The following TACR1 variants were observed in gnomAD, a reference collection of about 807,000 sequenced individuals.
TACR1 encodes substance-P receptor.
Under a neutral mutation model 35.8 loss-of-function variants are expected in TACR1, and 25 were observed. That is an observed-to-expected ratio of 0.70 (90% CI 0.51 to 0.98). The LOEUF (loss-of-function observed/expected upper bound fraction) is 0.98. TACR1 is among the 50% of genes least tolerant of loss of function. The probability of loss-of-function intolerance (pLI) is 0.00; values close to 1 mark genes in which losing one functional copy is unlikely to be tolerated. For synonymous variants in TACR1, 195 were observed against 206.7 expected, an observed-to-expected ratio of 0.94 and a Z score of 0.48; for missense variants, 478 against 522.9, an observed-to-expected ratio of 0.91 and a Z score of 0.84.
intron 2 of TACR1, among the ~76,000 whole-genome samples, chr2:75,098,731 A>G (rs1402116483): frequency 6.6e-6 from 1 of 152,074 alleles, no homozygotes; most frequent in Non-Finnish European, 1.5e-5. Flanking sequence ...CCCATTAGCT[A>G]ACCCAGTCTC....
chr2:75,199,045 G>A lies in TACR1; in HGVS notation c.-111C>T. The stretch of plus-strand genomic sequence containing the variant: ...TCCTTCTAAAGCCAGACAGGAGGGT[G>A]GAAGGCTTTTTCTGGGCAGCACTCT... On this transcript the variant is annotated 5_prime_UTR_variant, in exon 1 of 5. Coordinates refer to ENST00000305249, the MANE Select transcript of TACR1 (RefSeq NM_001058.4). 6 of 1,372,484 alleles carry A rather than the reference G, an allele frequency of 4.4e-6. No individual in the cohort carries two copies. Among genetic ancestry groups the A allele is most frequent in the Non-Finnish European group, 5.9e-6 (6 of 1,019,172 alleles). The allele number at this position is 1,372,484 out of a possible 1,614,324, so 85.0% of individuals were successfully genotyped here. A position where few individuals can be genotyped will look rare whatever the true frequency, so the allele number is the denominator to read the frequency against.
At chr2:75,092,134 G>T (rs964915722) in intron 2 of TACR1, among the ~76,000 whole-genome samples, 4 of 152,196 alleles carry the variant, frequency 2.6e-5, no homozygotes, top group African/African-American at 9.7e-5. Flanking sequence ...GCAGCAGAGG[G>T]TGATGATCTT....
chr2:75,087,139 A>G (rs572230337), intron 2 of TACR1, among the ~76,000 whole-genome samples: 2 of 152,348 alleles, frequency 1.3e-5, no homozygotes, highest in Admixed American at 1.3e-4. Context: ...TATGGGTAAC[A>G]TGTTGAAATG....
At chr2:75,132,757 C>T (rs892591011) in intron 1 of TACR1, among the ~76,000 whole-genome samples, 2 of 152,160 alleles carry the variant, frequency 1.3e-5, no homozygotes, top group Non-Finnish European at 2.9e-5. Flanking sequence ...TTGCCAGAAA[C>T]CTGAGAATAC....
chr2:75,119,639 A>G (rs1031088593), intron 2 of TACR1, among the ~76,000 whole-genome samples: 1 of 152,194 alleles, frequency 6.6e-6, no homozygotes, highest in Non-Finnish European at 1.5e-5. Flanking sequence ...TACTTCGAGA[A>G]ACCCTAAATG....
chr2:75,084,816 CTT>C (rs1262304749), intron 2 of TACR1, among the ~76,000 whole-genome samples: 3 of 152,130 alleles, frequency 2.0e-5, no homozygotes, highest in Non-Finnish European at 2.9e-5. Flanking sequence ...ATTCTTCTCT[CTT>C]TTCTTTTTTA....
chr2:75,156,537 A>G (rs2103980972), intron 1 of TACR1, among the ~76,000 whole-genome samples: 1 of 149,502 alleles, frequency 6.7e-6, no homozygotes, highest in Non-Finnish European at 1.5e-5. Context: ...TGGGAGGCAG[A>G]GCTTGCAGTG....
intron 1 of TACR1, among the ~76,000 whole-genome samples, chr2:75,174,919 GGGCTGAACACA>G (rs1553383555): frequency 6.6e-6 from 1 of 152,168 alleles, no homozygotes; most frequent in Non-Finnish European, 1.5e-5. Flanking sequence ...GGATGATGAG[GGGCTGAACACA>G]GGCTTTTAAG....
At chr2:75,197,178 A>G (rs1278241281) in intron 1 of TACR1, among the ~76,000 whole-genome samples, 5 of 152,238 alleles carry the variant, frequency 3.3e-5, no homozygotes, top group African/African-American at 9.6e-5. Flanking sequence ...TACATAAAAC[A>G]TAGTAAGCAC....
intron 2 of TACR1, among the ~76,000 whole-genome samples, chr2:75,058,137 C>T (rs1479507803): frequency 6.6e-6 from 1 of 152,144 alleles, no homozygotes; most frequent in Non-Finnish European, 1.5e-5. Flanking sequence ...TACAAATGCT[C>T]AATCCAAACA....
At position 75,079,729 on chromosome 2, in the gene TACR1, C is replaced by T. The variant is rs994972077; in HGVS notation, c.585-25974G>A. Among the ~76,000 whole-genome samples the T allele has an allele frequency of 4.1e-5, 6 of 147,590 alleles. No individual in the cohort carries two copies. In the South Asian group the frequency reaches 6.4e-4, roughly 16 times the overall value. On this transcript the variant is annotated intron_variant, in intron 2 of 4. Coordinates refer to ENST00000305249, the MANE Select transcript of TACR1 (RefSeq NM_001058.4). ...AAAAGTCCAAACTGTGCATCTAAAC[C>T]TAATGCCTTTTTTTTTTTTTTTTTT...
intron 1 of TACR1, 89 bp downstream of exon 1, chr2:75,198,457 G>C: frequency 6.8e-7 from 1 of 1,477,984 alleles, no homozygotes; most frequent in Non-Finnish European, 9.2e-7. Context: ...TCTTCCACTT[G>C]ACCCATACCC....
chr2:75,094,859 A>AT (rs58283121), intron 2 of TACR1, among the ~76,000 whole-genome samples: 1,808 of 113,028 alleles, frequency 0.016, 30 homozygotes, highest in Non-Finnish European at 0.02. Flanking sequence ...ATATATATAT[A>AT]TTTTTTTTTT....
At position 75,048,974 on chromosome 2, in the gene TACR1, C is replaced by A. The variant is rs545853828; in HGVS notation, c.*458G>T. On this transcript the variant is annotated 3_prime_UTR_variant, in exon 5 of 5. Coordinates refer to ENST00000305249, the MANE Select transcript of TACR1 (RefSeq NM_001058.4). The stretch of plus-strand genomic sequence containing the variant: ...GTTATGTGGTGCCTTCTTTTGTTCA[C>A]CCTGTCAAGCGTAGGCTGGGGTGAT... 1.2e-3 allele frequency: 193 copies of A among 159,122 alleles called. 1 individual carries two copies. The highest frequency in any genetic ancestry group is 4.3e-4 in the Non-Finnish European group (31 of 72,640). 9.9% of individuals were successfully genotyped at this position (159,122 alleles called of 1,614,324 possible).
intron 1 of TACR1, among the ~76,000 whole-genome samples, chr2:75,146,698 C>G (rs746849529): frequency 1.3e-5 from 2 of 152,174 alleles, no homozygotes; most frequent in Admixed American, 6.5e-5. Flanking sequence ...GTGAAGTCAC[C>G]AAACCCTAAT....
At position 75,049,462 on chromosome 2, in the gene TACR1, G is replaced by A. The variant is rs2103775561; in HGVS notation, c.1194C>T (p.Ser398=). The A allele has an allele frequency of 6.2e-7, 1 of 1,613,986 alleles. No individual in the cohort carries two copies. Among genetic ancestry groups the A allele is most frequent in the South Asian group, 1.1e-5 (1 of 91,084 alleles). The change falls in exon 5 of 5, where the codon AGC becomes AGT. Residue 398 remains serine, a synonymous_variant. Coordinates refer to ENST00000305249, the MANE Select transcript of TACR1 (RefSeq NM_001058.4). ...SRSDSKTMTE[S]FSFSSNVLS ...AGAGCACATTGGAGGAGAAGCTGAA[G>A]CTCTCTGTCATGGTCTTGGAGTCAC...
chr2:75,168,190 T>C (rs543436331), intron 1 of TACR1, among the ~76,000 whole-genome samples: 8 of 152,302 alleles, frequency 5.3e-5, no homozygotes, highest in East Asian at 3.9e-4. Context: ...CAAAGGAGAA[T>C]TGGTTAAACG....
chr2:75,138,557 G>A (rs986243751), intron 1 of TACR1, among the ~76,000 whole-genome samples: 1 of 152,152 alleles, frequency 6.6e-6, no homozygotes, highest in Non-Finnish European at 1.5e-5. Context: ...GCCCATCCAG[G>A]TGGGAGTGTC....
intron 2 of TACR1, among the ~76,000 whole-genome samples, chr2:75,078,271 G>A (rs1302621835): frequency 6.6e-6 from 1 of 150,384 alleles, no homozygotes; most frequent in Non-Finnish European, 1.5e-5. Context: ...TTTTGAACTT[G>A]GAGTTTTGCA....
Sources: allele counts gnomAD v4.1 joint callset (sites outside exome capture counted in the v4.1 genomes callset), GRCh38; gene constraint gnomAD v4.1.1; transcripts MANE v1.5; gene names NCBI Gene and HGNC (gene_info 2026-07-23, HGNC 2026-07-21).